Variants in ATP8A1 observed in about 807,000 individuals in gnomAD.
ATP8A1 encodes the protein phospholipid-transporting ATPase IA.
In ATP8A1, 90 loss-of-function variants were observed where a neutral mutation model predicts 177.7. The ratio of observed to expected loss-of-function variants is 0.51; its 90% CI spans 0.43 to 0.60. ATP8A1 has a LOEUF of 0.60. ATP8A1 is among the 20% of genes least tolerant of loss of function. The probability of loss-of-function intolerance (pLI) is 0.00; values close to 1 mark genes in which losing one functional copy is unlikely to be tolerated. For synonymous variants in ATP8A1, 493 were observed against 485.9 expected, an observed-to-expected ratio of 1.01 and a Z score of -0.19; for missense variants, 1,072 against 1,392.8, an observed-to-expected ratio of 0.77 and a Z score of 3.67.
At chr4:42,601,325 C>T (rs571644281) in intron 5 of ATP8A1, among the ~76,000 whole-genome samples, 19 of 150,756 alleles carry the variant, frequency 1.3e-4, no homozygotes, top group South Asian at 8.4e-4. Flanking sequence ...CGTGAGCCAC[C>T]GCGCCTGGCC....
chr4:42,552,675 T>C lies in ATP8A1; in HGVS notation c.1414-65A>G, dbSNP rs1729623832. The C allele has an allele frequency of 2.6e-6, 3 of 1,134,268 alleles. No homozygotes were observed. The South Asian group carries it at 3.8e-5, about 14-fold the overall frequency. 70.3% of individuals were successfully genotyped at this position (1,134,268 alleles called of 1,614,324 possible). On this transcript the variant is annotated intron_variant, in intron 16 of 36. Transcript: ENST00000381668. Reference sequence around the variant, plus strand: ...GAACATTTTGACACTGACAGTAATATTACTTCATGTCTATTAAGAACATAG... The same window carrying C: ...GAACATTTTGACACTGACAGTAATACTACTTCATGTCTATTAAGAACATAG...
chr4:42,623,870 C>G (rs1737762153), intron 4 of ATP8A1, among the ~76,000 whole-genome samples: 1 of 152,068 alleles, frequency 6.6e-6, no homozygotes, highest in Admixed American at 6.6e-5. Flanking sequence ...CTCTCCTTCT[C>G]TCTCTCTATA....
intron 33 of ATP8A1, 106 bp from the exon 34 acceptor site, chr4:42,423,811 G>C: frequency 1.4e-6 from 1 of 698,248 alleles, no homozygotes; most frequent in Non-Finnish European, 2.5e-6. Context: ...ATATCATTCT[G>C]TAAGAGAGTA....
At chr4:42,651,573 T>C (rs979566163) in intron 1 of ATP8A1, among the ~76,000 whole-genome samples, 2 of 152,244 alleles carry the variant, frequency 1.3e-5, no homozygotes, top group African/African-American at 4.8e-5. Context: ...CTGGGTAATG[T>C]GTCCAGCTGG....
intron 5 of ATP8A1, among the ~76,000 whole-genome samples, chr4:42,612,991 A>T (rs1736524781): frequency 1.3e-5 from 2 of 152,164 alleles, no homozygotes; most frequent in Non-Finnish European, 2.9e-5. Flanking sequence ...AATGAGTTGG[A>T]TGCTTCAGAT....
rs565000927 is a variant in ATP8A1, at chr4:42,620,552, A to C, written c.363+3984T>G. Reference sequence around the variant, plus strand: ...TATAGCTTTGCCAGGGAACAAAACAAAGCAAAACAAGACAGGGAAGGCAGT... The same window carrying C: ...TATAGCTTTGCCAGGGAACAAAACACAGCAAAACAAGACAGGGAAGGCAGT... On this transcript the variant is annotated intron_variant, in intron 4 of 36. Transcript: ENST00000381668. Among the ~76,000 whole-genome samples, 3 of 152,316 alleles carry C rather than the reference A, an allele frequency of 2.0e-5. No homozygotes were observed. The South Asian group carries it at 6.2e-4, about 32-fold the overall frequency.
At chr4:42,496,986 G>A (rs1365619965) in intron 24 of ATP8A1, among the ~76,000 whole-genome samples, 1 of 152,158 alleles carries the variant, frequency 6.6e-6, no homozygotes, top group Non-Finnish European at 1.5e-5. Context: ...TCCTGGTGGT[G>A]AGTGGTAAAG....
At chr4:42,422,971 C>T in intron 34 of ATP8A1, 72 bp from the exon 35 acceptor site, 1 of 1,181,136 alleles carries the variant, frequency 8.5e-7, no homozygotes, top group Non-Finnish European at 1.2e-6. Flanking sequence ...AGATGTCTGG[C>T]TTATTATCAC....
intron 19 of ATP8A1, among the ~76,000 whole-genome samples, chr4:42,546,856 C>T (rs1174766604): frequency 6.6e-6 from 1 of 152,168 alleles, no homozygotes; most frequent in Non-Finnish European, 1.5e-5. Flanking sequence ...TGCTATGACC[C>T]TCTCTCTGTC....
intron 15 of ATP8A1, among the ~76,000 whole-genome samples, chr4:42,565,656 T>C (rs867978824): frequency 6.6e-6 from 1 of 152,198 alleles, no homozygotes; most frequent in Non-Finnish European, 1.5e-5. Context: ...ACAAATAATA[T>C]GTTATTTTGG....
chr4:42,531,263 C>G (rs1410749426), intron 20 of ATP8A1, among the ~76,000 whole-genome samples: 1 of 152,162 alleles, frequency 6.6e-6, no homozygotes, highest in Admixed American at 6.5e-5. Flanking sequence ...TGGTCCAGAC[C>G]CTTCAGGAAT....
chr4:42,626,945 C>T, intron 2 of ATP8A1, 50 bp downstream of exon 2: 1 of 1,415,916 alleles, frequency 7.1e-7, no homozygotes, highest in Non-Finnish European at 1.0e-6. Flanking sequence ...TTTGACCTAA[C>T]CAGCTCTGCT....
At chr4:42,471,262 A>C (rs1720370039) in intron 25 of ATP8A1, among the ~76,000 whole-genome samples, 1 of 152,178 alleles carries the variant, frequency 6.6e-6, no homozygotes, top group Non-Finnish European at 1.5e-5. Context: ...GATGAGTGAG[A>C]GCTCTCCTAG....
intron 15 of ATP8A1, among the ~76,000 whole-genome samples, chr4:42,564,915 T>C (rs951074201): frequency 2.0e-5 from 3 of 152,140 alleles, no homozygotes; most frequent in African/African-American, 7.2e-5. Context: ...TGGGAGGTAA[T>C]TGAATCATGG....
At chr4:42,594,283 C>T (rs1163551120) in intron 6 of ATP8A1, 1 of 1,572,404 alleles carries the variant, frequency 6.4e-7, no homozygotes, top group Non-Finnish European at 8.7e-7. Context: ...CAGTAGGCAT[C>T]TCTACCTTGA....
chr4:42,437,670 TAATCATTATCATTTG>T (rs1285588735), intron 33 of ATP8A1, among the ~76,000 whole-genome samples: 21 of 152,350 alleles, frequency 1.4e-4, no homozygotes, highest in Admixed American at 1.2e-3. Flanking sequence ...GGACACTTGT[TAATCATTATCATTTG>T]AATCATTATC....
At chr4:42,486,355 T>C (rs780167124) in intron 24 of ATP8A1, among the ~76,000 whole-genome samples, 2 of 152,198 alleles carry the variant, frequency 1.3e-5, no homozygotes, top group Non-Finnish European at 2.9e-5. Flanking sequence ...CTTGGACCAG[T>C]ATAAGCATGT....
At chr4:42,538,966 A>G (rs1420934437) in intron 20 of ATP8A1, among the ~76,000 whole-genome samples, 4 of 152,258 alleles carry the variant, frequency 2.6e-5, no homozygotes, top group African/African-American at 9.6e-5. Context: ...ACATGTTTAT[A>G]GCAGCACAAT....
At chr4:42,494,775 T>C (rs1017796981) in intron 24 of ATP8A1, among the ~76,000 whole-genome samples, 1 of 152,226 alleles carries the variant, frequency 6.6e-6, no homozygotes, top group Non-Finnish European at 1.5e-5. Flanking sequence ...TTCTCTTTTA[T>C]TATCTGTATA....
Sources: gnomAD v4.1 joint callset for allele counts (sites outside exome capture counted in the v4.1 genomes callset) on GRCh38, gnomAD v4.1.1 for gene constraint, MANE v1.5 for transcripts, NCBI Gene and HGNC (gene_info 2026-07-23, HGNC 2026-07-21) for gene names.